The following TSPAN5 variants were observed in gnomAD, a reference collection of about 807,000 sequenced individuals.
TSPAN5 encodes the protein tetraspanin 5.
A neutral mutation model predicts 37.1 loss-of-function variants in TSPAN5; 10 were observed. The observed-to-expected ratio is 0.27, with a 90% CI of 0.17 to 0.46. The LOEUF is 0.46. Among genes scored for constraint, TSPAN5 ranks in the 20% least tolerant of loss-of-function variants. TSPAN5 has a pLI of 1.00. For missense variants in TSPAN5, 195 were observed against 326.6 expected (o/e 0.60, Z 3.11); for synonymous variants, 110 against 118.9 (o/e 0.93, Z 0.48).
At chr4:98,552,555 G>T (rs1754647044) in intron 1 of TSPAN5, among the ~76,000 whole-genome samples, 1 of 152,176 alleles carries the variant, frequency 6.6e-6, no homozygotes, top group African/African-American at 2.4e-5. Flanking sequence ...AGATGGTAAG[G>T]ATGTGACCCA....
intron 1 of TSPAN5, among the ~76,000 whole-genome samples, chr4:98,614,807 G>C (rs541507687): frequency 6.6e-6 from 1 of 152,264 alleles, no homozygotes; most frequent in East Asian, 1.9e-4. Context: ...CTGCCAGTTT[G>C]TCTCTGTGAC....
intron 1 of TSPAN5, among the ~76,000 whole-genome samples, chr4:98,538,694 CTATACTTTGT>C: frequency 6.6e-6 from 1 of 152,202 alleles, no homozygotes; most frequent in East Asian, 1.9e-4. Flanking sequence ...ATATTTTATG[CTATACTTTGT>C]ATCAGTTTAT....
intron 1 of TSPAN5, among the ~76,000 whole-genome samples, chr4:98,616,018 G>A (rs74583687): frequency 0.017 from 2,519 of 152,144 alleles, 31 homozygotes; most frequent in South Asian, 0.044. Context: ...ACACCACCCC[G>A]GAGAGTGTTT....
At chr4:98,601,158 T>C (rs938514434) in intron 1 of TSPAN5, among the ~76,000 whole-genome samples, 1 of 152,208 alleles carries the variant, frequency 6.6e-6, no homozygotes, top group Non-Finnish European at 1.5e-5. Context: ...TTGTTCCATT[T>C]ATAGAGTCAG....
At chr4:98,481,349 T>C (rs976085387) in intron 4 of TSPAN5, among the ~76,000 whole-genome samples, 1 of 152,146 alleles carries the variant, frequency 6.6e-6, no homozygotes, top group Non-Finnish European at 1.5e-5. Flanking sequence ...AAACGGGACA[T>C]CTGCTGCTTT....
intron 1 of TSPAN5, among the ~76,000 whole-genome samples, chr4:98,605,971 C>A (rs1386910727): frequency 6.6e-6 from 1 of 152,208 alleles, no homozygotes; most frequent in African/African-American, 2.4e-5. Flanking sequence ...ATGTTGACAC[C>A]ACCATTTGTT....
At chr4:98,530,460 C>G (rs10005781) in intron 1 of TSPAN5, among the ~76,000 whole-genome samples, 1 of 151,890 alleles carries the variant, frequency 6.6e-6, no homozygotes, top group African/African-American at 2.4e-5. Context: ...AAGGCCAGGG[C>G]TCCCTGAAGC....
intron 1 of TSPAN5, among the ~76,000 whole-genome samples, chr4:98,595,646 C>T (rs1362955061): frequency 2.2e-5 from 3 of 134,512 alleles, no homozygotes; most frequent in Non-Finnish European, 4.6e-5. Context: ...TCTTTGCTCT[C>T]GTTGGTTTCG....
chr4:98,554,042 G>A (rs1346587342), intron 1 of TSPAN5, among the ~76,000 whole-genome samples: 1 of 151,800 alleles, frequency 6.6e-6, no homozygotes, highest in Admixed American at 6.6e-5. Context: ...GCTCCATCCT[G>A]GGTGACAGAG....
intron 1 of TSPAN5, among the ~76,000 whole-genome samples, chr4:98,569,955 G>C: frequency 6.6e-6 from 1 of 152,166 alleles, no homozygotes; most frequent in African/African-American, 2.4e-5. Context: ...TGGTCCAGTG[G>C]TGTTGGCAGA....
chr4:98,541,092 C>A (rs17192209), intron 1 of TSPAN5, among the ~76,000 whole-genome samples: 4 of 152,102 alleles, frequency 2.6e-5, no homozygotes, highest in Non-Finnish European at 5.9e-5. Context: ...ACTTCCTTAC[C>A]CATAAAATAG....
chr4:98,561,370 G>C (rs1754879828), intron 1 of TSPAN5, among the ~76,000 whole-genome samples: 1 of 152,194 alleles, frequency 6.6e-6, no homozygotes, highest in African/African-American at 2.4e-5. Context: ...ACCCAACATG[G>C]AGAAACCTTG....
intron 1 of TSPAN5, among the ~76,000 whole-genome samples, chr4:98,594,223 T>C (rs1755713676): frequency 7.5e-6 from 1 of 133,702 alleles, no homozygotes; most frequent in Non-Finnish European, 1.5e-5. Flanking sequence ...AGTTCACCTA[T>C]GATTTGGCTC....
At chr4:98,489,219 T>C (rs1009851637) in intron 2 of TSPAN5, among the ~76,000 whole-genome samples, 4 of 152,144 alleles carry the variant, frequency 2.6e-5, no homozygotes, top group African/African-American at 9.7e-5. Context: ...ACTAGCTGGA[T>C]TTCCCAGGCC....
intron 3 of TSPAN5, chr4:98,484,716 T>A: frequency 2.6e-6 from 1 of 388,818 alleles, no homozygotes. Flanking sequence ...AATCCCAGCA[T>A]TCTGGGAGGC....
intron 1 of TSPAN5, among the ~76,000 whole-genome samples, chr4:98,585,853 T>C (rs896496618): frequency 6.6e-6 from 1 of 152,258 alleles, no homozygotes; most frequent in Non-Finnish European, 1.5e-5. Context: ...CACTGTGAAA[T>C]GAGACACTGT....
intron 1 of TSPAN5, among the ~76,000 whole-genome samples, chr4:98,612,354 G>A (rs537841704): frequency 5.9e-5 from 9 of 152,292 alleles, no homozygotes; most frequent in African/African-American, 2.2e-4. Context: ...CAGACAGGAT[G>A]CAGGGAATGA....
At position 98,508,833 on chromosome 4, in the gene TSPAN5, T is replaced by C. The variant is rs1753537860; in HGVS notation, c.82-1105A>G. Among the ~76,000 whole-genome samples, 4 of 152,296 alleles carry C rather than the reference T, an allele frequency of 2.6e-5. No individual in the cohort carries two copies. The South Asian group carries it at 6.2e-4, about 24-fold the overall frequency. ...AGCCACCACTCCCGGACTAGGGCTT[T>C]CCATTTTAATTAATTCTCACTGTAT... On this transcript the variant is annotated intron_variant, in intron 1 of 7. Transcript: ENST00000305798.
chr4:98,618,261 CA>C (rs5860543), intron 1 of TSPAN5, among the ~76,000 whole-genome samples: 80,589 of 148,562 alleles, frequency 0.54, 22,649 homozygotes, highest in African/African-American at 0.71. Context: ...AAATGCTTTT[CA>C]AAAAAAAAAA....
Sources: allele counts gnomAD v4.1 joint callset (sites outside exome capture counted in the v4.1 genomes callset), GRCh38; gene constraint gnomAD v4.1.1; transcripts MANE v1.5; gene names NCBI Gene and HGNC (gene_info 2026-07-23, HGNC 2026-07-21).